GLIS1: variants seen among roughly 807,000 people sequenced by gnomAD.
GLIS1 encodes GLIS family zinc finger 1.
GLIS1 carries 24 observed loss-of-function variants against 63.8 expected under a neutral mutation model. That is an observed-to-expected ratio of 0.38 (90% CI 0.27 to 0.53). The LOEUF is 0.53. GLIS1 is among the 20% of genes least tolerant of loss of function. The pLI is 0.85. For synonymous variants in GLIS1, 450 were observed against 482.5 expected, an observed-to-expected ratio of 0.93 and a Z score of 0.88; for missense variants, 1,036 against 1,074.1, an observed-to-expected ratio of 0.96 and a Z score of 0.50.
At chr1:53,617,878 A>G (rs1645499127) in intron 2 of GLIS1, among the ~76,000 whole-genome samples, 1 of 152,100 alleles carries the variant, frequency 6.6e-6, no homozygotes, top group South Asian at 2.1e-4. Flanking sequence ...GTCTCCCCCA[A>G]GGTCACAGAG....
At chr1:53,706,326 A>G (rs1408560203) in intron 2 of GLIS1, among the ~76,000 whole-genome samples, 1 of 152,240 alleles carries the variant, frequency 6.6e-6, no homozygotes, top group Non-Finnish European at 1.5e-5. Flanking sequence ...TGGTCTCTGT[A>G]GGAAAGCACT....
At chr1:53,507,075 G>T (rs1282041050) in intron 10 of GLIS1, among the ~76,000 whole-genome samples, 1 of 152,140 alleles carries the variant, frequency 6.6e-6, no homozygotes, top group Non-Finnish European at 1.5e-5. Context: ...GGCAGAATGT[G>T]GGGGAAAGAG....
At chr1:53,545,062 T>C (rs533741345) in intron 4 of GLIS1, among the ~76,000 whole-genome samples, 108 of 152,346 alleles carry the variant, frequency 7.1e-4, no homozygotes, top group Middle Eastern at 3.4e-3. Context: ...TGTGTGCTCA[T>C]TGTGGGAAAC....
chr1:53,696,583 G>A (rs1570064916), intron 2 of GLIS1, among the ~76,000 whole-genome samples: 1 of 152,014 alleles, frequency 6.6e-6, no homozygotes. Context: ...CTACCTACAG[G>A]AAAATAAATC....
At chr1:53,666,652 C>A (rs1646094176) in intron 2 of GLIS1, among the ~76,000 whole-genome samples, 1 of 152,166 alleles carries the variant, frequency 6.6e-6, no homozygotes, top group African/African-American at 2.4e-5. Flanking sequence ...GTTCTTTTCC[C>A]CAAAACCACC....
chr1:53,609,598 G>C (rs573772492), intron 2 of GLIS1, among the ~76,000 whole-genome samples: 1 of 152,080 alleles, frequency 6.6e-6, no homozygotes, highest in African/African-American at 2.4e-5. Flanking sequence ...ACCTATTCTA[G>C]GTTTTCTCTC....
At chr1:53,512,372 A>G (rs2100260761) in intron 8 of GLIS1, among the ~76,000 whole-genome samples, 1 of 152,354 alleles carries the variant, frequency 6.6e-6, no homozygotes, top group South Asian at 2.1e-4. Context: ...GGCTGGGAAA[A>G]AAAATACCCT....
At chr1:53,614,215 T>A (rs987423159) in intron 2 of GLIS1, among the ~76,000 whole-genome samples, 1 of 152,206 alleles carries the variant, frequency 6.6e-6, no homozygotes, top group Non-Finnish European at 1.5e-5. Context: ...GTTTCAAAAG[T>A]ACACAAATAA....
chr1:53,694,772 G>A (rs1646446973), intron 2 of GLIS1, among the ~76,000 whole-genome samples: 1 of 152,214 alleles, frequency 6.6e-6, no homozygotes, highest in South Asian at 2.1e-4. Flanking sequence ...CACTATCATA[G>A]TAAATTAACG....
intron 4 of GLIS1, among the ~76,000 whole-genome samples, chr1:53,540,587 T>C (rs1452583158): frequency 1.3e-5 from 2 of 152,068 alleles, no homozygotes; most frequent in Non-Finnish European, 2.9e-5. Flanking sequence ...TGGGATCCTC[T>C]CCCAAGTTCC....
At chr1:53,534,476 C>T (rs1048198925) in intron 4 of GLIS1, among the ~76,000 whole-genome samples, 3 of 151,948 alleles carry the variant, frequency 2.0e-5, no homozygotes, top group African/African-American at 7.3e-5. Context: ...ACCCCCACTG[C>T]AAGGGCTGAG....
chr1:53,720,832 C>G (rs761712729), intron 2 of GLIS1, among the ~76,000 whole-genome samples: 1 of 152,148 alleles, frequency 6.6e-6, no homozygotes, highest in African/African-American at 2.4e-5. Context: ...AACTCCACTA[C>G]TACAAAACAT....
At chr1:53,606,576 G>A (rs4927014) in intron 2 of GLIS1, among the ~76,000 whole-genome samples, 80,986 of 152,074 alleles carry the variant, frequency 0.53, 24,633 homozygotes, top group Admixed American at 0.69. Context: ...GGGCTGCCTC[G>A]TCACTCCCTC....
At chr1:53,658,559 G>A (rs1467995088) in intron 2 of GLIS1, among the ~76,000 whole-genome samples, 3 of 152,212 alleles carry the variant, frequency 2.0e-5, no homozygotes, top group African/African-American at 4.8e-5. Context: ...GGAAGAGAAA[G>A]GCTACTGGGG....
chr1:53,727,726 G>A (rs971355229), intron 2 of GLIS1, among the ~76,000 whole-genome samples: 5 of 152,190 alleles, frequency 3.3e-5, no homozygotes, highest in African/African-American at 1.2e-4. Flanking sequence ...AGAGGGAGGG[G>A]AGAGGGAGGC....
intron 5 of GLIS1, among the ~76,000 whole-genome samples, chr1:53,529,378 C>G (rs1644505437): frequency 1.3e-5 from 2 of 152,200 alleles, no homozygotes; most frequent in Admixed American, 1.3e-4. Context: ...AGGGAGCAAT[C>G]TGCTCTGGCG....
chr1:53,663,111 C>T lies in GLIS1; in HGVS notation c.260-62833G>A, dbSNP rs987592813. Among the ~76,000 whole-genome samples the T allele has an allele frequency of 2.0e-5, 3 of 152,234 alleles. No homozygotes were observed. The East Asian group carries it at 5.8e-4, about 29-fold the overall frequency. Reference sequence around the variant, plus strand: ...CCAAGTGTCTGTCACAGCTCTCCCACTAGCTCCATGACCACTGCCACCACC... The same window carrying T: ...CCAAGTGTCTGTCACAGCTCTCCCATTAGCTCCATGACCACTGCCACCACC... On this transcript the variant is annotated intron_variant, in intron 2 of 10. Transcript: ENST00000628545.
chr1:53,522,685 G>A (rs72893329), intron 6 of GLIS1, among the ~76,000 whole-genome samples: 5 of 152,054 alleles, frequency 3.3e-5, no homozygotes, highest in Non-Finnish European at 7.4e-5. Context: ...AAGGTGGAAG[G>A]ATTACTTGAA....
chr1:53,543,306 G>A (rs1373135886), intron 4 of GLIS1, among the ~76,000 whole-genome samples: 1 of 152,180 alleles, frequency 6.6e-6, no homozygotes, highest in South Asian at 2.1e-4. Flanking sequence ...GCTGATGGGC[G>A]CCCTCAAGTC....
Sources: allele counts gnomAD v4.1 joint callset (sites outside exome capture counted in the v4.1 genomes callset), GRCh38; gene constraint gnomAD v4.1.1; transcripts MANE v1.5; gene names NCBI Gene and HGNC (gene_info 2026-07-23, HGNC 2026-07-21).